UTRN: variants seen among roughly 807,000 people sequenced by gnomAD.
The protein encoded by UTRN is utrophin.
A neutral mutation model predicts 463.9 loss-of-function variants in UTRN; 283 were observed. That is an observed-to-expected ratio of 0.61 (90% CI 0.55 to 0.67). UTRN has a LOEUF of 0.67. UTRN is among the 30% of genes least tolerant of loss of function. UTRN has a pLI of 0.00. For missense variants in UTRN, 3,922 were observed against 4,084.3 expected, an observed-to-expected ratio of 0.96 and a Z score of 1.08; for synonymous variants, 1,442 against 1,431.5, an observed-to-expected ratio of 1.01 and a Z score of -0.17.
intron 43 of UTRN, among the ~76,000 whole-genome samples, chr6:144,536,958 T>G (rs1361477327): frequency 1.3e-5 from 2 of 152,058 alleles, no homozygotes; most frequent in Non-Finnish European, 2.9e-5. Context: ...AATTTTTGCT[T>G]TGTTTTTTTC....
At chr6:144,414,114 G>A (rs1464174932) in intron 3 of UTRN, among the ~76,000 whole-genome samples, 1 of 151,058 alleles carries the variant, frequency 6.6e-6, no homozygotes, top group Non-Finnish European at 1.5e-5. Flanking sequence ...TATTTTAGAG[G>A]GTACTCCTAC....
chr6:144,781,338 A>G (rs1775810750), intron 60 of UTRN, among the ~76,000 whole-genome samples: 1 of 152,188 alleles, frequency 6.6e-6, no homozygotes, highest in Non-Finnish European at 1.5e-5. Flanking sequence ...AGTTTGTGAC[A>G]ATCTTATAGA....
chr6:144,417,944 G>A (rs900260001), intron 3 of UTRN, among the ~76,000 whole-genome samples: 1 of 152,054 alleles, frequency 6.6e-6, no homozygotes, highest in Admixed American at 6.6e-5. Context: ...TTGAGATGAA[G>A]AAGTGCTTAG....
chr6:144,828,969 A>ATCAAAAT (rs1780429285), intron 69 of UTRN, 114 bp downstream of exon 69: 8 of 1,224,232 alleles, frequency 6.5e-6, no homozygotes, highest in Non-Finnish European at 8.2e-6. Flanking sequence ...AAAATTATTA[A>ATCAAAAT]GTGTGGTTCC....
At chr6:144,638,879 C>T (rs7776354) in intron 51 of UTRN, among the ~76,000 whole-genome samples, 2,587 of 152,066 alleles carry the variant, frequency 0.017, 52 homozygotes, top group African/African-American at 0.046. Context: ...TCAAGACCAG[C>T]ATGAGCAACA....
intron 51 of UTRN, among the ~76,000 whole-genome samples, chr6:144,579,889 C>T (rs1042502937): frequency 6.6e-6 from 1 of 151,990 alleles, no homozygotes; most frequent in African/African-American, 2.4e-5. Context: ...TACGGTAATT[C>T]GCATGATTTT....
intron 2 of UTRN, among the ~76,000 whole-genome samples, chr6:144,294,929 G>C (rs1804553312): frequency 6.6e-6 from 1 of 152,058 alleles, no homozygotes; most frequent in Admixed American, 6.6e-5. Flanking sequence ...TACTTGCCTT[G>C]GGTTTGGGTG....
intron 74 of UTRN, among the ~76,000 whole-genome samples, chr6:144,848,022 G>T: frequency 6.6e-6 from 1 of 152,160 alleles, no homozygotes. Context: ...GAGAGGCTGG[G>T]ATCTTAACTA....
intron 52 of UTRN, among the ~76,000 whole-genome samples, chr6:144,689,348 C>T (rs1783082952): frequency 1.3e-5 from 2 of 152,174 alleles, no homozygotes; most frequent in African/African-American, 4.8e-5. Flanking sequence ...ACTCTTGGGG[C>T]AGAGCTGCAG....
At chr6:144,609,183 A>C (rs1417925218) in intron 51 of UTRN, among the ~76,000 whole-genome samples, 5 of 152,234 alleles carry the variant, frequency 3.3e-5, no homozygotes, top group Non-Finnish European at 1.5e-5. Context: ...AGGTCTAATC[A>C]CATGTTGCCT....
chr6:144,452,647 A>G (rs1014019809), intron 18 of UTRN, among the ~76,000 whole-genome samples: 3 of 152,076 alleles, frequency 2.0e-5, no homozygotes, highest in Admixed American at 1.3e-4. Flanking sequence ...TCCTCAACAT[A>G]AAGAACAAAA....
intron 51 of UTRN, among the ~76,000 whole-genome samples, chr6:144,609,175 G>A (rs998827960): frequency 2.0e-5 from 3 of 152,070 alleles, no homozygotes; most frequent in African/African-American, 7.2e-5. Flanking sequence ...AAAAAGTAAG[G>A]TCTAATCACA....
In UTRN at chr6:144,700,136, T is replaced by C. The variant is rs1784434710; in HGVS notation, c.7702T>C (p.Leu2568=). The C allele has an allele frequency of 1.2e-6, 2 of 1,613,490 alleles. No individual in the cohort carries two copies. Among genetic ancestry groups the C allele is most frequent in the Non-Finnish European group, 1.7e-6 (2 of 1,179,616 alleles). The change falls in exon 53 of 75, where the codon TTA becomes CTA. Residue 2568 remains leucine, a synonymous_variant. Transcript: ENST00000367545. ...AEKWNRLLMS[L]EELIKWLNMK... is the part of the protein sequence containing the mutation. ...GAAGTGGAACAGGTTGCTGATGTCCTTAGAAGAACTGATCAAATGGCTGAA... is the reference window on the plus strand; with the variant it reads ...GAAGTGGAACAGGTTGCTGATGTCCCTAGAAGAACTGATCAAATGGCTGAA...
chr6:144,736,068 G>T (rs1789360984), intron 54 of UTRN, among the ~76,000 whole-genome samples: 1 of 152,072 alleles, frequency 6.6e-6, no homozygotes, highest in Non-Finnish European at 1.5e-5. Context: ...GTTTGTTTAT[G>T]ATTAGCAATT....
At chr6:144,346,443 T>C (rs1363850383) in intron 2 of UTRN, among the ~76,000 whole-genome samples, 1 of 152,234 alleles carries the variant, frequency 6.6e-6, no homozygotes, top group Non-Finnish European at 1.5e-5. Context: ...TCAGTTGCTA[T>C]TGAACTGATT....
chr6:144,571,575 A>G (rs534097659), intron 50 of UTRN, among the ~76,000 whole-genome samples: 1 of 152,304 alleles, frequency 6.6e-6, no homozygotes, highest in South Asian at 2.1e-4. Flanking sequence ...ATACATAGGA[A>G]GTTGCTTAGG....
rs1352528176 is a variant in UTRN at position 144,748,473 on chromosome 6, T to TTAC, written c.8169_8171dup (p.Leu2724dup). The TTAC allele has an allele frequency of 4.3e-6, 7 of 1,613,866 alleles. No individual in the cohort carries two copies. The African/African-American group carries it at 9.3e-5, about 22-fold the overall frequency. On this transcript the variant is annotated inframe_insertion, in exon 55 of 75. Coordinates refer to ENST00000367545, the MANE Select transcript of UTRN (RefSeq NM_007124.3). ...GAATGGCTGGAAGCCCGTGGGAGAC[T>TTAC]TACTCATTGACTCGCTGCAGGATCA...
intron 2 of UTRN, among the ~76,000 whole-genome samples, chr6:144,347,692 G>A (rs1777702179): frequency 6.6e-6 from 1 of 152,134 alleles, no homozygotes; most frequent in Non-Finnish European, 1.5e-5. Flanking sequence ...AGGCTCCAGG[G>A]CAGTGGTGTC....
intron 52 of UTRN, among the ~76,000 whole-genome samples, chr6:144,690,083 T>TA (rs1783191419): frequency 2.2e-4 from 9 of 40,406 alleles, no homozygotes; most frequent in African/African-American, 1.2e-3. Context: ...TGTTTTTTTT[T>TA]TTTTTTTTTT....
Sources: allele counts gnomAD v4.1 joint callset (sites outside exome capture counted in the v4.1 genomes callset), GRCh38; gene constraint gnomAD v4.1.1; transcripts MANE v1.5; gene names NCBI Gene and HGNC (gene_info 2026-07-23, HGNC 2026-07-21).